PARP2: variants seen among roughly 807,000 people sequenced by gnomAD.
The protein encoded by PARP2 is poly [ADP-ribose] polymerase 2.
In PARP2, 57 loss-of-function variants were observed where a neutral mutation model predicts 77.8. That is an observed-to-expected ratio of 0.73 (90% CI 0.59 to 0.91). PARP2 has a LOEUF of 0.91. Ranked by LOEUF, PARP2 falls within the 40% of genes least tolerant of loss-of-function variation. The pLI, the probability that PARP2 is intolerant of heterozygous loss-of-function variation, is 0.00. For synonymous variants in PARP2, 226 were observed against 242.6 expected, an observed-to-expected ratio of 0.93 and a Z score of 0.64; for missense variants, 651 against 689.0, an observed-to-expected ratio of 0.94 and a Z score of 0.62.
chr14:20,355,704 T>A (rs1054419248), intron 9 of PARP2, 48 bp from the exon 10 acceptor site: 41 of 1,464,210 alleles, frequency 2.8e-5, no homozygotes, highest in Non-Finnish European at 3.8e-5. Context: ...CATGCGCCTT[T>A]TAGCCACATG....
rs1883601173 is a variant in PARP2, at chr14:20,343,711, C to T, written c.46+24C>T. 1.9e-6 allele frequency: 3 copies of T among 1,607,312 alleles called. No homozygotes were observed. The African/African-American group carries it at 4.0e-5, about 21-fold the overall frequency. On this transcript the variant is annotated intron_variant, in intron 1 of 15. Coordinates refer to ENST00000429687, the MANE Select transcript of PARP2 (RefSeq NM_001042618.2). Reference sequence around the variant, plus strand: ...AGGTTCGGAGCTCAATATCGCGGGACGGCATGCGGGGGGCGGGCAGTCAGA... The same window carrying T: ...AGGTTCGGAGCTCAATATCGCGGGATGGCATGCGGGGGGCGGGCAGTCAGA...
At chr14:20,352,558 C>CTTTCTTTTTT (rs1555316985) in intron 7 of PARP2, 6 of 215,638 alleles carry the variant, frequency 2.8e-5, no homozygotes, top group South Asian at 2.8e-4. Context: ...GATTTTTTTT[C>CTTTCTTTTTT]TTTTTTTTTT....
chr14:20,351,647 A>G (rs1381905786), intron 6 of PARP2, among the ~76,000 whole-genome samples: 1 of 152,246 alleles, frequency 6.6e-6, no homozygotes, highest in Non-Finnish European at 1.5e-5. Context: ...TAAAAACAGA[A>G]GAATCTAATA....
rs10131757 is a variant in PARP2, at chr14:20,351,191, T to A, written c.497+69T>A. 18,645 of 1,262,868 alleles carry A rather than the reference T, an allele frequency of 0.015. 1,188 individuals are homozygous for A. In the African/African-American group the frequency reaches 0.19, roughly 13 times the overall value. The allele number at this position is 1,262,868 out of a possible 1,614,324, so 78.2% of individuals were successfully genotyped here. Reference sequence around the variant, plus strand: ...CTTAGATGTATATTCTCTAAAAAATTTTTTTTTAGACAGTTTCACTCTTGT... The same window carrying A: ...CTTAGATGTATATTCTCTAAAAAATATTTTTTTAGACAGTTTCACTCTTGT... On this transcript the variant is annotated intron_variant, in intron 6 of 15. Coordinates refer to ENST00000429687, the MANE Select transcript of PARP2 (RefSeq NM_001042618.2).
intron 8 of PARP2, 197 bp from the exon 9 acceptor site, chr14:20,354,612 C>T: frequency 3.5e-6 from 2 of 573,312 alleles, no homozygotes; most frequent in Non-Finnish European, 6.1e-6. Context: ...GGGAGGATCA[C>T]CGGAGCCCAG....
At chr14:20,347,052 G>A (rs917455210) in intron 4 of PARP2, 139 bp downstream of exon 4, 9 of 563,186 alleles carry the variant, frequency 1.6e-5, no homozygotes, top group Non-Finnish European at 2.2e-5. Context: ...TTTTTGAAAT[G>A]GAGTCTCACT....
At chr14:20,349,319 C>CA (rs1347313318) in intron 4 of PARP2, among the ~76,000 whole-genome samples, 2 of 151,248 alleles carry the variant, frequency 1.3e-5, no homozygotes, top group Non-Finnish European at 2.9e-5. Context: ...GACCCTATCT[C>CA]AAAAAAATAA....
chr14:20,351,210 C>G (rs1051589949), intron 6 of PARP2, 88 bp downstream of exon 6: 10 of 859,226 alleles, frequency 1.2e-5, no homozygotes, highest in Non-Finnish European at 1.9e-5. Context: ...GACAGTTTCA[C>G]TCTTGTTGCC....
Position 20,345,566 on chromosome 14 carries a change from A to G in PARP2, c.273+102A>G, listed in dbSNP as rs192960813. 104 of 797,200 alleles carry G rather than the reference A, an allele frequency of 1.3e-4. No homozygotes were observed. In the East Asian group the frequency reaches 2.0e-3, roughly 16 times the overall value. 49.4% of individuals were successfully genotyped at this position (797,200 alleles called of 1,614,324 possible). A position where few individuals can be genotyped will look rare whatever the true frequency, so the allele number is the denominator to read the frequency against. ...GATGCTGTTAGTACTCATTTTAGGA[A>G]TCCTCTCCAAAATATGATGAGTGAG... On this transcript the variant is annotated intron_variant, in intron 3 of 15. Coordinates refer to ENST00000429687, the MANE Select transcript of PARP2 (RefSeq NM_001042618.2).
Position 20,355,991 on chromosome 14 carries a change from G to GT in PARP2, c.1062dup (p.Ala355CysfsTer6). 1 of 1,614,112 alleles carries GT rather than the reference G, an allele frequency of 6.2e-7. No homozygotes were observed. Among genetic ancestry groups the GT allele is most frequent in the Non-Finnish European group, 8.5e-7 (1 of 1,179,972 alleles). On this transcript the variant is annotated frameshift_variant, in exon 11 of 16. Coordinates refer to ENST00000429687, the MANE Select transcript of PARP2 (RefSeq NM_001042618.2). LOFTEE classifies it high-confidence loss of function. ...GACCAACACTATAGAAACCTACATTGTGCCTTGCGCCCCCTTGACCATGAA... is the reference window on the plus strand; with the variant it reads ...GACCAACACTATAGAAACCTACATTGTTGCCTTGCGCCCCCTTGACCATGAA...
rs574471632 is a variant in PARP2 at position 20,357,564 on chromosome 14, A to G, written c.1553+44A>G. ...GAGGACTAGAAGACTCCTTTTGGCC[A>G]GATAAGACTACGTTCTCTATTGCAG... is the stretch of plus-strand genomic sequence containing the variant. On this transcript the variant is annotated intron_variant, in intron 15 of 15. Coordinates refer to ENST00000429687, the MANE Select transcript of PARP2 (RefSeq NM_001042618.2). 7 of 1,600,910 alleles carry G rather than the reference A, an allele frequency of 4.4e-6. No individual in the cohort carries two copies. The South Asian group carries it at 5.6e-5, about 13-fold the overall frequency.
chr14:20,346,754 A>G, intron 3 of PARP2, 109 bp from the exon 4 acceptor site: 1 of 726,962 alleles, frequency 1.4e-6, no homozygotes, highest in South Asian at 1.5e-5. Context: ...ATGAATGTTG[A>G]TGTTGCTGTA....
chr14:20,345,175 G>A (rs375681513), intron 2 of PARP2, 88 bp downstream of exon 2: 26 of 1,453,346 alleles, frequency 1.8e-5, no homozygotes, highest in Middle Eastern at 1.8e-4. Flanking sequence ...CTCCTATTTC[G>A]TCCTTCTTTC....
intron 1 of PARP2, among the ~76,000 whole-genome samples, chr14:20,344,722 A>T (rs1187542899): frequency 1.3e-5 from 2 of 152,210 alleles, no homozygotes; most frequent in African/African-American, 4.8e-5. Flanking sequence ...CTGAGGCACG[A>T]GAATCACTTG....
chr14:20,350,577 G>A lies in PARP2; in HGVS notation c.376G>A (p.Asp126Asn). The change falls in exon 5 of 16, where the codon GAT becomes AAT. Residue 126 changes from aspartate (D) to asparagine (N), a missense_variant. By Grantham distance (23) the Asp-to-Asn change is conservative. Transcript: ENST00000429687. ...GTACTATCTGATTCAGCTATTAGAA[G>A]ATGATGCCCAGAGGAACTTCAGTGT... Reference protein sequence around the residue: ...NKYYLIQLLEDDAQRNFSVWM... With the variant: ...NKYYLIQLLENDAQRNFSVWM... 2 of 1,611,904 alleles carry A rather than the reference G, an allele frequency of 1.2e-6. No homozygotes were observed. Among genetic ancestry groups the A allele is most frequent in the South Asian group, 2.2e-5 (2 of 91,022 alleles).
At position 20,355,966 on chromosome 14, in the gene PARP2, G is replaced by A. The variant is rs752741079; in HGVS notation, c.1036G>A (p.Asp346Asn). Residue 346 changes from aspartate to asparagine, a missense_variant, in exon 11 of 16, where the codon GAC (aspartate) becomes AAC (asparagine). Transcript: ENST00000429687. ...TELQSPEHPL[D>N]QHYRNLHCAL... ...GCTACAAAGCCCAGAACACCCATTG[G>A]ACCAACACTATAGAAACCTACATTG... The A allele has an allele frequency of 6.2e-7, 1 of 1,613,902 alleles. No homozygotes were observed. Among genetic ancestry groups the A allele is most frequent in the Non-Finnish European group, 8.5e-7 (1 of 1,179,942 alleles).
At position 20,356,389 on chromosome 14, in the gene PARP2, A is replaced by C; in HGVS notation, c.1184A>C (p.Glu395Ala). Residue 395 changes from glutamate to alanine, a missense_variant, in exon 12 of 16, where the codon GAG (glutamate) becomes GCG (alanine). Coordinates refer to ENST00000429687, the MANE Select transcript of PARP2 (RefSeq NM_001042618.2). ...TMTLLDLFEVEKDGEKEAFRE... is the reference protein window; with the variant it reads ...TMTLLDLFEVAKDGEKEAFRE... The stretch of plus-strand genomic sequence containing the variant: ...ACCTTGCTGGATTTGTTTGAAGTGG[A>C]GAAGGATGGTGAGAAAGAAGCCTTC... The C allele has an allele frequency of 6.2e-7, 1 of 1,614,114 alleles. No individual in the cohort carries two copies. The highest frequency in any genetic ancestry group is 8.5e-7 in the Non-Finnish European group (1 of 1,179,960).
In PARP2 at chr14:20,354,027, A is replaced by G. The variant is rs1884052722; in HGVS notation, c.601-58A>G. ...TACATTGTATAATATTGGGTGTTAT[A>G]AGGAATCTAGAGATGATTTCTTAGA... On this transcript the variant is annotated intron_variant, in intron 7 of 15. Coordinates refer to ENST00000429687, the MANE Select transcript of PARP2 (RefSeq NM_001042618.2). 2.2e-6 allele frequency: 3 copies of G among 1,353,700 alleles called. No individual in the cohort carries two copies. The Admixed American group carries it at 5.2e-5, about 23-fold the overall frequency. 83.9% of individuals were successfully genotyped at this position (1,353,700 alleles called of 1,614,324 possible). A position where few individuals can be genotyped will look rare whatever the true frequency, so the allele number is the denominator to read the frequency against.
chr14:20,348,155 T>G (rs1250165085), intron 4 of PARP2, among the ~76,000 whole-genome samples: 1 of 152,208 alleles, frequency 6.6e-6, no homozygotes, highest in Non-Finnish European at 1.5e-5. Context: ...ATTACAGGGA[T>G]GAGCCACTGG....
Sources: allele counts gnomAD v4.1 joint callset (sites outside exome capture counted in the v4.1 genomes callset), GRCh38; gene constraint gnomAD v4.1.1; transcripts MANE v1.5; gene names NCBI Gene and HGNC (gene_info 2026-07-23, HGNC 2026-07-21).